DPYSL5: variants seen among roughly 807,000 people sequenced by gnomAD.
DPYSL5 encodes dihydropyrimidinase-related protein 5.
In DPYSL5, 9 loss-of-function variants were observed where a neutral mutation model predicts 58.4. That is an observed-to-expected ratio of 0.15 (90% CI 0.09 to 0.27). The LOEUF (loss-of-function observed/expected upper bound fraction) is 0.27. Ranked by LOEUF, DPYSL5 falls within the 10% of genes least tolerant of loss-of-function variation. The pLI is 1.00. For synonymous variants in DPYSL5, 293 were observed against 301.9 expected (o/e 0.97, Z 0.31); for missense variants, 499 against 770.6 (o/e 0.65, Z 4.17).
chr2:26,904,071 G>C (rs1045578041), intron 2 of DPYSL5, among the ~76,000 whole-genome samples: 2 of 152,338 alleles, frequency 1.3e-5, no homozygotes, highest in African/African-American at 4.8e-5. Flanking sequence ...TCCTAATCAA[G>C]AGTGCTTGTG....
At chr2:26,888,204 C>A (rs930410631) in intron 1 of DPYSL5, among the ~76,000 whole-genome samples, 1 of 131,556 alleles carries the variant, frequency 7.6e-6, no homozygotes, top group Non-Finnish European at 1.6e-5. Context: ...CCTTCCTTCC[C>A]TTTCTTTTCT....
Position 26,927,504 on chromosome 2 carries a change from C to G in DPYSL5, c.600+72C>G, listed in dbSNP as rs1664858146. ...CAGTTAGTTCTCAGGGGATTCCTGA[C>G]CACCCGTCACTGATCCCACAGGATT... is the stretch of plus-strand genomic sequence containing the variant. On this transcript the variant is annotated intron_variant, in intron 4 of 12. Transcript: ENST00000288699. The surrounding 1 kb of genome is among the most constrained non-coding windows in gnomAD (Gnocchi z 4.3). 6.5e-7 allele frequency: 1 copy of G among 1,532,406 alleles called. No individual in the cohort carries two copies. Among genetic ancestry groups the G allele is most frequent in the Non-Finnish European group, 8.9e-7 (1 of 1,128,552 alleles). 94.9% of individuals were successfully genotyped at this position (1,532,406 alleles called of 1,614,324 possible). A position where few individuals can be genotyped will look rare whatever the true frequency, so the allele number is the denominator to read the frequency against.
Position 26,944,689 on chromosome 2 carries a change from T to C in DPYSL5, c.1474T>C (p.Tyr492His). The change falls in exon 12 of 13, where the codon TAC becomes CAC. Residue 492 changes from tyrosine to histidine, a missense_variant. This residue lies in a region of DPYSL5 where 62 missense variants were observed against 59.2 expected (regional missense o/e 1.05). Transcript: ENST00000288699. This position sits in a 1 kb window ranked among gnomAD's most constrained non-coding sequence, Gnocchi z 4.4. ...GGTTAGAGGAGTGGACCGCACTCCC[T>C]ACCTGGGGGATGTCGCTGTTGTCGT... ...LKVRGVDRTP[Y>H]LGDVAVVVHP... 1 of 1,614,124 alleles carries C rather than the reference T, an allele frequency of 6.2e-7. No individual in the cohort carries two copies. The highest frequency in any genetic ancestry group is 8.5e-7 in the Non-Finnish European group (1 of 1,179,996).
rs1276516740 is a variant in DPYSL5 at position 26,942,895 on chromosome 2, T to C, written c.1440+145T>C. The C allele has an allele frequency of 6.5e-6, 6 of 928,038 alleles. No homozygotes were observed. The Admixed American group carries it at 8.2e-5, about 13-fold the overall frequency. The allele number at this position is 928,038 out of a possible 1,614,324, so 57.5% of individuals were successfully genotyped here. A position where few individuals can be genotyped will look rare whatever the true frequency, so the allele number is the denominator to read the frequency against. ...TTTCTCCAGCGTTGAGAGGGGAGTG[T>C]GCGGCAGCGCCAGGGAACGCTAGAG... On this transcript the variant is annotated intron_variant, in intron 11 of 12. Coordinates refer to ENST00000288699, the MANE Select transcript of DPYSL5 (RefSeq NM_020134.4). This position sits in a 1 kb window ranked among gnomAD's most constrained non-coding sequence, Gnocchi z 5.9.
intron 1 of DPYSL5, among the ~76,000 whole-genome samples, chr2:26,867,854 A>G (rs1383018797): frequency 6.6e-6 from 1 of 152,156 alleles, no homozygotes; most frequent in Non-Finnish European, 1.5e-5. Context: ...AGAGAGTCCT[A>G]GGGGTGAGGT....
chr2:26,901,795 G>C (rs1033197456), intron 2 of DPYSL5, among the ~76,000 whole-genome samples: 1 of 98,018 alleles, frequency 1.0e-5, no homozygotes, highest in Non-Finnish European at 1.9e-5. Context: ...CCCAGCTAGC[G>C]TCTGCTTGTT....
At chr2:26,887,004 G>A (rs1044144858) in intron 1 of DPYSL5, among the ~76,000 whole-genome samples, 4 of 152,146 alleles carry the variant, frequency 2.6e-5, no homozygotes, top group Middle Eastern at 3.2e-3. Context: ...ATGCCAGCCC[G>A]CCTGTATCCT....
In DPYSL5 at chr2:26,901,310, G is replaced by A. The variant is rs187698546; in HGVS notation, c.261+2550G>A. On this transcript the variant is annotated intron_variant, in intron 2 of 12. Transcript: ENST00000288699. ...CCTTGTGCCCCAGCCCTCACATTAA[G>A]CCTCTGTCGTGGTGGCCTCGTTCTA... is the stretch of plus-strand genomic sequence containing the variant. 3.5e-4 allele frequency among the ~76,000 whole-genome samples: 53 copies of A among 152,178 alleles called. 1 individual carries two copies. The highest frequency in any genetic ancestry group is 3.3e-3 in the Admixed American group (51 of 15,288).
chr2:26,852,697 C>T (rs1665787118), intron 1 of DPYSL5, among the ~76,000 whole-genome samples: 1 of 152,174 alleles, frequency 6.6e-6, no homozygotes, highest in South Asian at 2.1e-4. Context: ...TTCTGTTTAT[C>T]TGTGCAATGA....
chr2:26,938,321 G>C (rs550141577), intron 8 of DPYSL5: 132 of 152,352 alleles, frequency 8.7e-4, no homozygotes, highest in African/African-American at 2.9e-3. Context: ...CATGACTGCA[G>C]TGGGCATCTT....
chr2:26,903,865 G>A (rs188589352), intron 2 of DPYSL5, among the ~76,000 whole-genome samples: 67 of 152,294 alleles, frequency 4.4e-4, no homozygotes, highest in African/African-American at 1.2e-3. Flanking sequence ...TATGGCAATC[G>A]TCAGTGAGAG....
chr2:26,867,452 T>TG (rs1260804642), intron 1 of DPYSL5, among the ~76,000 whole-genome samples: 54 of 140,610 alleles, frequency 3.8e-4, no homozygotes, highest in African/African-American at 1.4e-3. Flanking sequence ...TGTTTTTTTT[T>TG]TTGTTTGTTT....
At chr2:26,945,139 C>G (rs983950788) in intron 12 of DPYSL5, among the ~76,000 whole-genome samples, 2 of 151,912 alleles carry the variant, frequency 1.3e-5, no homozygotes, top group African/African-American at 4.8e-5. Flanking sequence ...CCAGAGATGC[C>G]CTGAGCTCAG....
At chr2:26,913,017 T>G (rs950922601) in intron 2 of DPYSL5, among the ~76,000 whole-genome samples, 2 of 152,224 alleles carry the variant, frequency 1.3e-5, no homozygotes, top group African/African-American at 4.8e-5. Context: ...GCCCCAGTTT[T>G]CTTATCTGTA....
At chr2:26,894,801 A>G (rs1390088292) in intron 1 of DPYSL5, among the ~76,000 whole-genome samples, 1 of 152,202 alleles carries the variant, frequency 6.6e-6, no homozygotes, top group African/African-American at 2.4e-5. Flanking sequence ...CTTCAGTCAG[A>G]GTTCATCAAA....
At chr2:26,931,144 AAAAAAAAAAT>A (rs1391732399) in intron 5 of DPYSL5, among the ~76,000 whole-genome samples, 13 of 33,070 alleles carry the variant, frequency 3.9e-4, no homozygotes, top group African/African-American at 1.6e-3. Context: ...ATCTAAAAAA[AAAAAAAAAAT>A]ATATATATAT....
rs1057110213 is a variant in DPYSL5, at chr2:26,937,633, G to T, written c.948-2398G>T. 6.2e-5 allele frequency among the ~76,000 whole-genome samples: 9 copies of T among 145,054 alleles called. No individual in the cohort carries two copies. In the South Asian group the frequency reaches 8.7e-4, roughly 14 times the overall value. ...AACTATTTATGCTTTATTCTGGCTT[G>T]TTTTTTTTTTTCAGACAGGGTCTGG... On this transcript the variant is annotated intron_variant, in intron 8 of 12. Coordinates refer to ENST00000288699, the MANE Select transcript of DPYSL5 (RefSeq NM_020134.4).
chr2:26,879,888 T>TTTG lies in DPYSL5; in HGVS notation c.-4-18589_-4-18587dup, dbSNP rs113198755. On this transcript the variant is annotated intron_variant, in intron 1 of 12. Coordinates refer to ENST00000288699, the MANE Select transcript of DPYSL5 (RefSeq NM_020134.4). ...CTCTGCTCACCTATGCTGCCACTCG[T>TTTG]TTGTTGTTGTTGTTGTTGTTGAGAC... Among the ~76,000 whole-genome samples, 436 of 151,648 alleles carry TTTG rather than the reference T, an allele frequency of 2.9e-3. 1 individual carries two copies. The highest frequency in any genetic ancestry group is 9.7e-3 in the African/African-American group (403 of 41,466).
intron 2 of DPYSL5, among the ~76,000 whole-genome samples, chr2:26,917,114 G>A (rs1664583286): frequency 6.6e-6 from 1 of 152,216 alleles, no homozygotes; most frequent in Non-Finnish European, 1.5e-5. Context: ...AGCTCAAGGA[G>A]ATTAAGTAAC....
Sources: gnomAD v4.1 joint callset for allele counts (sites outside exome capture counted in the v4.1 genomes callset) on GRCh38, gnomAD v4.1.1 for gene constraint, gnomAD v4.1.1 regional missense constraint, Gnocchi (gnomAD v3.1) non-coding constraint, MANE v1.5 for transcripts, NCBI Gene and HGNC (gene_info 2026-07-23, HGNC 2026-07-21) for gene names.